Variants in MAP3K9 observed in about 807,000 individuals in gnomAD.
The protein encoded by MAP3K9 is mitogen-activated protein kinase kinase kinase 9, also known as mixed lineage kinase 1 (tyr and ser/thr specificity).
Under a neutral mutation model 95.8 loss-of-function variants are expected in MAP3K9, and 46 were observed. The observed-to-expected ratio is 0.48, with a 90% confidence interval of 0.38 to 0.61. The LOEUF (loss-of-function observed/expected upper bound fraction) is 0.61. MAP3K9 is among the 20% of genes least tolerant of loss of function. The pLI is 0.00. For missense variants in MAP3K9, 1,296 were observed against 1,474.3 expected (o/e 0.88, Z 1.98); for synonymous variants, 533 against 593.8 (o/e 0.90, Z 1.49).
At chr14:70,804,112 C>T (rs1225514850) in intron 1 of MAP3K9, among the ~76,000 whole-genome samples, 1 of 152,158 alleles carries the variant, frequency 6.6e-6, no homozygotes, top group African/African-American at 2.4e-5. Flanking sequence ...TTGAAGCCAA[C>T]AGCTTCAATG....
At chr14:70,742,911 T>TTATATATATATATATATATATATATATA (rs3081458) in intron 5 of MAP3K9, among the ~76,000 whole-genome samples, 4 of 143,108 alleles carry the variant, frequency 2.8e-5, no homozygotes, top group African/African-American at 7.8e-5. Flanking sequence ...TTATATATAT[T>TTATATATATATATATATATATATATATA]TATATATATA....
chr14:70,760,115 A>G (rs1390653407), intron 3 of MAP3K9, among the ~76,000 whole-genome samples: 9 of 149,178 alleles, frequency 6.0e-5, no homozygotes, highest in African/African-American at 2.2e-4. Flanking sequence ...TAATAGCTCA[A>G]TAAAGCTATT....
At chr14:70,764,662 C>T (rs1043778826) in intron 2 of MAP3K9, among the ~76,000 whole-genome samples, 1 of 151,888 alleles carries the variant, frequency 6.6e-6, no homozygotes, top group African/African-American at 2.4e-5. Context: ...GAAACCTTGT[C>T]TCTACAAAGA....
At position 70,727,700 on chromosome 14, in the gene MAP3K9, T is replaced by C. The variant is rs1180294128; in HGVS notation, c.*2680A>G. 6.6e-6 allele frequency: 1 copy of C among 152,280 alleles called. No individual in the cohort carries two copies. The highest frequency in any genetic ancestry group is 6.5e-5 in the Admixed American group (1 of 15,284). 9.4% of individuals were successfully genotyped at this position (152,280 alleles called of 1,614,324 possible). The stretch of plus-strand genomic sequence containing the variant: ...GACCAGGTGTGTAGGAGCTGAGAGA[T>C]GGTAACTGTTCCTTCTTCATGGATG... On this transcript the variant is annotated 3_prime_UTR_variant, in exon 12 of 12. Coordinates refer to ENST00000554752, the MANE Select transcript of MAP3K9 (RefSeq NM_001284230.2).
At chr14:70,764,192 C>CAAAAAA (rs71105731) in intron 2 of MAP3K9, among the ~76,000 whole-genome samples, 2 of 29,852 alleles carry the variant, frequency 6.7e-5, no homozygotes, top group Admixed American at 5.6e-4. Context: ...GACTCCGTCT[C>CAAAAAA]AAAAAAAAAA....
In MAP3K9 at chr14:70,730,208, C is replaced by T. The variant is rs1048006931; in HGVS notation, c.*172G>A. 1.0e-6 allele frequency: 1 copy of T among 954,788 alleles called. No homozygotes were observed. Among genetic ancestry groups the T allele is most frequent in the East Asian group, 2.6e-5 (1 of 37,804 alleles). The allele number at this position is 954,788 out of a possible 1,614,324, so 59.1% of individuals were successfully genotyped here. A position where few individuals can be genotyped will look rare whatever the true frequency, so the allele number is the denominator to read the frequency against. ...ACACGGGTAGAAAGGCCCTGCAGGGCAGGAGACCCTCTGAAGTGGCCCTGT... is the reference window on the plus strand; with the variant it reads ...ACACGGGTAGAAAGGCCCTGCAGGGTAGGAGACCCTCTGAAGTGGCCCTGT... On this transcript the variant is annotated 3_prime_UTR_variant, in exon 12 of 12. Coordinates refer to ENST00000554752, the MANE Select transcript of MAP3K9 (RefSeq NM_001284230.2).
chr14:70,779,506 A>T (rs2054645787), intron 2 of MAP3K9, among the ~76,000 whole-genome samples: 1 of 152,164 alleles, frequency 6.6e-6, no homozygotes, highest in African/African-American at 2.4e-5. Context: ...CTGACATCAC[A>T]TCACTTACTT....
Position 70,750,072 on chromosome 14 carries a change from C to T in MAP3K9, c.1011G>A (p.Val337=). 1 of 1,614,164 alleles carries T rather than the reference C, an allele frequency of 6.2e-7. No homozygotes were observed. The highest frequency in any genetic ancestry group is 8.5e-7 in the Non-Finnish European group (1 of 1,180,020). Residue 337 remains valine, a synonymous_variant, in exon 4 of 12, where the codon GTG becomes GTA. Coordinates refer to ENST00000554752, the MANE Select transcript of MAP3K9 (RefSeq NM_001284230.2). ...SKGSDVWSYG[V]LLWELLTGEV... ...CACCAGTCAGCAACTCCCAAAGTAGCACCCCATAGCTAAGGAGAGGAAGAA... is the reference window on the plus strand; with the variant it reads ...CACCAGTCAGCAACTCCCAAAGTAGTACCCCATAGCTAAGGAGAGGAAGAA...
intron 6 of MAP3K9, among the ~76,000 whole-genome samples, chr14:70,741,569 T>C (rs2054070202): frequency 6.6e-6 from 1 of 152,242 alleles, no homozygotes; most frequent in Non-Finnish European, 1.5e-5. Context: ...AAGGCTGCAG[T>C]ACAACAAATG....
Position 70,800,600 on chromosome 14 carries a change from C to T in MAP3K9, c.820+67G>A, listed in dbSNP as rs78092130. On this transcript the variant is annotated intron_variant, in intron 2 of 11. Transcript: ENST00000554752. ...CTAAGGTTCCATTAGAAGTCCACTC[C>T]TACTGACGTCGTGGGATACAACTGC... 40,524 of 1,518,708 alleles carry T rather than the reference C, an allele frequency of 0.027. 636 individuals carry two copies. The highest frequency in any genetic ancestry group is 0.032 in the Non-Finnish European group (35,421 of 1,114,736). 94.1% of individuals were successfully genotyped at this position (1,518,708 alleles called of 1,614,324 possible).
Position 70,800,829 on chromosome 14 carries a change from T to A in MAP3K9, c.658A>T (p.Met220Leu), listed in dbSNP as rs1418078621. ...AAAGGTCCTCCACGAGCAAACTCCA[T>A]GACCAAGCAGAGGTTGGGCTCCTTC... ...CLKEPNLCLV[M>L]EFARGGPLNR... The change falls in exon 2 of 12, where the codon ATG becomes TTG. Residue 220 changes from methionine to leucine, a missense_variant. By Grantham distance (15) the Met-to-Leu change is conservative. Around this residue, in one of 5 missense-constraint regions of MAP3K9, gnomAD observed 338 missense variants for 363.4 expected, o/e 0.93. Transcript: ENST00000554752. The A allele has an allele frequency of 6.2e-7, 1 of 1,614,048 alleles. No individual in the cohort carries two copies. The highest frequency in any genetic ancestry group is 1.1e-5 in the South Asian group (1 of 91,088).
Position 70,808,887 on chromosome 14 carries a change from C to G in MAP3K9, c.285G>C (p.Trp95Cys), listed in dbSNP as rs2055029180. Residue 95 changes from tryptophan to cysteine, a missense_variant, in exon 1 of 12, where the codon TGG becomes TGC. Coordinates refer to ENST00000554752, the MANE Select transcript of MAP3K9 (RefSeq NM_001284230.2). The stretch of plus-strand genomic sequence containing the variant: ...CCACCCGCTGGTTCAGCTGCCCGGT[C>G]CACCAGCCCTCGTCGCCGGACACCT... The part of the protein sequence containing the change: ...DSQVSGDEGW[W>C]TGQLNQRVGI... The G allele has an allele frequency of 6.3e-7, 1 of 1,598,992 alleles. No homozygotes were observed. Among genetic ancestry groups the G allele is most frequent in the Admixed American group, 1.7e-5 (1 of 58,402 alleles).
Position 70,808,995 on chromosome 14 carries a change from G to A in MAP3K9, c.177C>T (p.Ala59=). The A allele has an allele frequency of 1.9e-6, 3 of 1,551,992 alleles. No individual in the cohort carries two copies. The highest frequency in any genetic ancestry group is 2.6e-6 in the Non-Finnish European group (3 of 1,156,248). Reference sequence around the variant, plus strand: ...CGCCCGCCGCCTCGTACTCGAACACGGCCGTCCAGTAGGGCAGCGGCGCGT... The same window carrying A: ...CGCCCGCCGCCTCGTACTCGAACACAGCCGTCCAGTAGGGCAGCGGCGCGT... ...GCDAPLPYWT[A]VFEYEAAGED... Residue 59 remains alanine, a synonymous_variant, in exon 1 of 12, where the codon GCC becomes GCT. Transcript: ENST00000554752.
chr14:70,809,477 CCCGCCGCTGCCAGCCGG>C lies in MAP3K9; in HGVS notation c.-323_-307del, dbSNP rs1566775147. On this transcript the variant is annotated 5_prime_UTR_variant, in exon 1 of 12. Transcript: ENST00000554752. ...CCGGTACCTGCTCGCGCAGCCGGTGCCCGCCGCTGCCAGCCGGCCGCCGCTCTCCTCTCCGCGCCGTG... is the reference window on the plus strand; with the variant it reads ...CCGGTACCTGCTCGCGCAGCCGGTGCCCGCCGCTCTCCTCTCCGCGCCGTG... 8 of 203,328 alleles carry C rather than the reference CCCGCCGCTGCCAGCCGG, an allele frequency of 3.9e-5. No homozygotes were observed. Among genetic ancestry groups the C allele is most frequent in the Admixed American group, 3.6e-4 (6 of 16,596 alleles). The allele number at this position is 203,328 out of a possible 1,614,324, so 12.6% of individuals were successfully genotyped here. A position where few individuals can be genotyped will look rare whatever the true frequency, so the allele number is the denominator to read the frequency against.
At position 70,733,757 on chromosome 14, in the gene MAP3K9, C is replaced by A. The variant is rs2053946444; in HGVS notation, c.2027-415G>T. ...AGGGGGCAGGGAGAGGAAGACCCAC[C>A]TTCAATGTCGATGGGCACCACCCAA... On this transcript the variant is annotated intron_variant, in intron 10 of 11. Coordinates refer to ENST00000554752, the MANE Select transcript of MAP3K9 (RefSeq NM_001284230.2). 7.0e-6 allele frequency: 5 copies of A among 718,362 alleles called. No individual in the cohort carries two copies. The East Asian group carries it at 8.0e-5, about 12-fold the overall frequency. The allele number at this position is 718,362 out of a possible 1,614,324, so 44.5% of individuals were successfully genotyped here.
At position 70,760,059 on chromosome 14, in the gene MAP3K9, T is replaced by A. The variant is rs2054350522; in HGVS notation, c.1001+943A>T. Reference sequence around the variant, plus strand: ...GCATGAGCCACTGTATCCAGCCAACTTATACATTCTAAAGTGTACAAAGGA... The same window carrying A: ...GCATGAGCCACTGTATCCAGCCAACATATACATTCTAAAGTGTACAAAGGA... On this transcript the variant is annotated intron_variant, in intron 3 of 11. Coordinates refer to ENST00000554752, the MANE Select transcript of MAP3K9 (RefSeq NM_001284230.2). Among the ~76,000 whole-genome samples, 3 of 151,982 alleles carry A rather than the reference T, an allele frequency of 2.0e-5. 1 individual carries two copies. The Middle Eastern group carries it at 0.01, about 520-fold the overall frequency.
In MAP3K9 at chr14:70,724,533, G is replaced by C. The variant is rs1401332450; in HGVS notation, c.*5847C>G. On this transcript the variant is annotated 3_prime_UTR_variant, in exon 12 of 12. Transcript: ENST00000554752. ...CCCTCACCTTGGGTTAAAATTTAAA[G>C]GGGTGCCAAAAAAAAAAGAGCCTCA... is the stretch of plus-strand genomic sequence containing the variant. 1 of 110,126 alleles carries C rather than the reference G, an allele frequency of 9.1e-6. No homozygotes were observed. The highest frequency in any genetic ancestry group is 2.1e-4 in the East Asian group (1 of 4,770). The allele number at this position is 110,126 out of a possible 1,614,324, so 6.8% of individuals were successfully genotyped here.
chr14:70,798,966 G>A (rs1004780783), intron 2 of MAP3K9, among the ~76,000 whole-genome samples: 19 of 152,134 alleles, frequency 1.2e-4, no homozygotes, highest in African/African-American at 4.3e-4. Flanking sequence ...ACAAGAAGGA[G>A]TTTTTCTATT....
At chr14:70,760,415 G>C (rs2054357486) in intron 3 of MAP3K9, among the ~76,000 whole-genome samples, 1 of 152,156 alleles carries the variant, frequency 6.6e-6, no homozygotes, top group Non-Finnish European at 1.5e-5. Context: ...CGGCTTTGCA[G>C]TTCTGGGCAC....
Sources: allele counts gnomAD v4.1 joint callset (sites outside exome capture counted in the v4.1 genomes callset), GRCh38; gene constraint gnomAD v4.1.1; regional missense constraint gnomAD v4.1.1; transcripts MANE v1.5; gene names NCBI Gene and HGNC (gene_info 2026-07-23, HGNC 2026-07-21).